The following SSBP2 variants were observed in gnomAD, a reference collection of about 807,000 sequenced individuals.
The protein encoded by SSBP2 is single-stranded DNA-binding protein 2.
In SSBP2, 17 loss-of-function variants were observed where a neutral mutation model predicts 61.8. The observed-to-expected ratio is 0.28, with a 90% CI of 0.19 to 0.41. The LOEUF is 0.41. SSBP2 is among the 10% of genes least tolerant of loss of function. SSBP2 has a pLI of 1.00. For missense variants in SSBP2, 310 were observed against 458.7 expected (o/e 0.68, Z 2.96); for synonymous variants, 139 against 141.3 (o/e 0.98, Z 0.12).
At chr5:81,661,510 TTCTC>T (rs968520511) in intron 1 of SSBP2, among the ~76,000 whole-genome samples, 12 of 117,218 alleles carry the variant, frequency 1.0e-4, no homozygotes, top group South Asian at 4.9e-4. Flanking sequence ...TCAATAACAC[TTCTC>T]TCTTTTTTTT....
In SSBP2 at chr5:81,457,248, C is replaced by T. The variant is rs114077822; in HGVS notation, c.687+3807G>A. ...CCCACTTAAAGGGGAAAACTTTGAA[C>T]AATTTTAGCATCCTAAACCCACAGA... On this transcript the variant is annotated intron_variant, in intron 10 of 16. Transcript: ENST00000320672. Among the ~76,000 whole-genome samples, 353 of 150,358 alleles carry T rather than the reference C, an allele frequency of 2.3e-3. 1 individual carries two copies. The highest frequency in any genetic ancestry group is 8.2e-3 in the African/African-American group (338 of 41,092).
chr5:81,418,032 A>C lies in SSBP2; in HGVS notation c.*2472T>G, dbSNP rs1239391915. 3 of 152,266 alleles carry C rather than the reference A, an allele frequency of 2.0e-5. No homozygotes were observed. The highest frequency in any genetic ancestry group is 4.4e-5 in the Non-Finnish European group (3 of 68,046). 9.4% of individuals were successfully genotyped at this position (152,266 alleles called of 1,614,324 possible). A position where few individuals can be genotyped will look rare whatever the true frequency, so the allele number is the denominator to read the frequency against. On this transcript the variant is annotated 3_prime_UTR_variant, in exon 17 of 17. Coordinates refer to ENST00000320672, the MANE Select transcript of SSBP2 (RefSeq NM_012446.5). ...TGATAAGAAATAATACCTTCTCAGA[A>C]GGCGAAGAAAAGAATTTCAAGATCG...
At position 81,645,236 on chromosome 5, in the gene SSBP2, T is replaced by C. The variant is rs749782363; in HGVS notation, c.135+5031A>G. On this transcript the variant is annotated intron_variant, in intron 2 of 16. Transcript: ENST00000320672. ...AATTGCTTTTACCTCCTATACTATA[T>C]TGCCTCAAAATTAAAGTTCGAGAGA... Among the ~76,000 whole-genome samples the C allele has an allele frequency of 2.7e-4, 41 of 152,192 alleles. 2 individuals carry two copies. Among genetic ancestry groups the C allele is most frequent in the Admixed American group, 6.5e-5 (1 of 15,274 alleles).
chr5:81,513,674 G>A lies in SSBP2; in HGVS notation c.326C>T (p.Pro109Leu). ...AGGACCTACTGGCATGCCATCTCCT[G>A]GGGGAATGTTTCCTAGCACTGGACT... is the stretch of plus-strand genomic sequence containing the variant. Residue 109 changes from proline to leucine, a missense_variant, in exon 5 of 17, where the codon CCA (proline) becomes CTA (leucine). Coordinates refer to ENST00000320672, the MANE Select transcript of SSBP2 (RefSeq NM_012446.5). 4 of 1,612,912 alleles carry A rather than the reference G, an allele frequency of 2.5e-6. No individual in the cohort carries two copies. Among genetic ancestry groups the A allele is most frequent in the Non-Finnish European group, 3.4e-6 (4 of 1,179,124 alleles).
At chr5:81,697,219 A>G (rs553465384) in intron 1 of SSBP2, among the ~76,000 whole-genome samples, 1 of 152,366 alleles carries the variant, frequency 6.6e-6, no homozygotes, top group African/African-American at 2.4e-5. Flanking sequence ...TCACTATAAG[A>G]TAACTTAAAG....
intron 2 of SSBP2, among the ~76,000 whole-genome samples, chr5:81,649,062 A>C (rs1310659290): frequency 6.6e-6 from 1 of 152,132 alleles, no homozygotes; most frequent in African/African-American, 2.4e-5. Context: ...TGGACAGCAC[A>C]GATATAGAGG....
chr5:81,524,912 G>A (rs891715864), intron 4 of SSBP2, among the ~76,000 whole-genome samples: 2 of 151,990 alleles, frequency 1.3e-5, no homozygotes, highest in African/African-American at 4.8e-5. Context: ...TGTTGACAAG[G>A]TCCCACCAAT....
At chr5:81,484,402 G>A (rs1172591512) in intron 6 of SSBP2, among the ~76,000 whole-genome samples, 1 of 152,022 alleles carries the variant, frequency 6.6e-6, no homozygotes, top group Non-Finnish European at 1.5e-5. Context: ...TTCTTGGTTT[G>A]AGAAGGATAA....
chr5:81,735,859 T>C (rs991578177), intron 1 of SSBP2, among the ~76,000 whole-genome samples: 1 of 152,182 alleles, frequency 6.6e-6, no homozygotes, highest in Non-Finnish European at 1.5e-5. Flanking sequence ...ATATGTGCAT[T>C]TGCTCTCCTC....
At position 81,438,161 on chromosome 5, in the gene SSBP2, C is replaced by G. The variant is rs567556505; in HGVS notation, c.929-703G>C. Among the ~76,000 whole-genome samples the G allele has an allele frequency of 9.9e-5, 15 of 151,954 alleles. No homozygotes were observed. The South Asian group carries it at 3.1e-3, about 32-fold the overall frequency. ...GGTCCGGAGTTCGAGACCAGCCTGG[C>G]CAAACACGGTGAAATCACACCTCTA... On this transcript the variant is annotated intron_variant, in intron 14 of 16. Transcript: ENST00000320672.
At position 81,420,322 on chromosome 5, in the gene SSBP2, T is replaced by C; in HGVS notation, c.*182A>G. 1 of 623,894 alleles carries C rather than the reference T, an allele frequency of 1.6e-6. No individual in the cohort carries two copies. Among genetic ancestry groups the C allele is most frequent in the Non-Finnish European group, 2.9e-6 (1 of 348,184 alleles). 38.6% of individuals were successfully genotyped at this position (623,894 alleles called of 1,614,324 possible). ...CTAATATGCCACTCCGTACAGTTGT[T>C]TGAATCACATTTGGACCCGCTTTCT... On this transcript the variant is annotated 3_prime_UTR_variant, in exon 17 of 17. Coordinates refer to ENST00000320672, the MANE Select transcript of SSBP2 (RefSeq NM_012446.5).
chr5:81,583,917 C>T (rs1268380596), intron 4 of SSBP2, among the ~76,000 whole-genome samples: 1 of 152,100 alleles, frequency 6.6e-6, no homozygotes, highest in African/African-American at 2.4e-5. Flanking sequence ...TGTTAATACC[C>T]TAGATGTTAA....
Position 81,574,059 on chromosome 5 carries a change from T to C in SSBP2, c.282+41414A>G, listed in dbSNP as rs546961686. On this transcript the variant is annotated intron_variant, in intron 4 of 16. Transcript: ENST00000320672. ...GGGAGGCTGAGGCAGGAGAACGGCA[T>C]GAATCCAGGAGACGGAGCTTGCAGT... Among the ~76,000 whole-genome samples the C allele has an allele frequency of 9.2e-5, 14 of 152,108 alleles. No homozygotes were observed. In the East Asian group the frequency reaches 2.7e-3, roughly 29 times the overall value.
At chr5:81,703,178 AG>A (rs1488466612) in intron 1 of SSBP2, among the ~76,000 whole-genome samples, 1 of 152,242 alleles carries the variant, frequency 6.6e-6, no homozygotes, top group Non-Finnish European at 1.5e-5. Context: ...GTGTTTACAT[AG>A]CCTTTTCTAA....
intron 1 of SSBP2, among the ~76,000 whole-genome samples, chr5:81,744,145 T>C (rs1757207550): frequency 6.6e-6 from 1 of 152,214 alleles, no homozygotes; most frequent in Admixed American, 6.5e-5. Context: ...GATACTCAAA[T>C]GATAGCACTG....
chr5:81,647,991 T>C (rs1204943052), intron 2 of SSBP2, among the ~76,000 whole-genome samples: 4 of 152,132 alleles, frequency 2.6e-5, no homozygotes, highest in Non-Finnish European at 5.9e-5. Flanking sequence ...TATCTTACAA[T>C]GTTGGTAAGA....
chr5:81,714,770 G>A (rs574321011), intron 1 of SSBP2, among the ~76,000 whole-genome samples: 4 of 152,254 alleles, frequency 2.6e-5, no homozygotes, highest in Admixed American at 1.3e-4. Context: ...ATTTGTTTAA[G>A]TTCTTTGTAG....
At chr5:81,683,671 G>T (rs1410248228) in intron 1 of SSBP2, among the ~76,000 whole-genome samples, 2 of 152,114 alleles carry the variant, frequency 1.3e-5, no homozygotes, top group Non-Finnish European at 2.9e-5. Context: ...GCACTGTCAA[G>T]AGAATGAGAA....
intron 5 of SSBP2, among the ~76,000 whole-genome samples, chr5:81,503,078 T>G (rs1022977538): frequency 3.3e-5 from 5 of 152,180 alleles, no homozygotes; most frequent in African/African-American, 1.2e-4. Context: ...AGCTCATCAC[T>G]GATCATTAGA....
Sources: allele counts gnomAD v4.1 joint callset (sites outside exome capture counted in the v4.1 genomes callset), GRCh38; gene constraint gnomAD v4.1.1; transcripts MANE v1.5; gene names NCBI Gene and HGNC (gene_info 2026-07-23, HGNC 2026-07-21).